The following F13A1 variants were observed in gnomAD, a reference collection of about 807,000 sequenced individuals.
F13A1 encodes the protein FSF, A subunit.
F13A1 carries 47 observed loss-of-function variants against 80.1 expected under a neutral mutation model. The ratio of observed to expected loss-of-function variants is 0.59; its 90% CI spans 0.46 to 0.75. The LOEUF (loss-of-function observed/expected upper bound fraction) is 0.75. Ranked by LOEUF, F13A1 falls within the 30% of genes least tolerant of loss-of-function variation. The pLI is 0.00. For synonymous variants in F13A1, 349 were observed against 344.9 expected, an observed-to-expected ratio of 1.01 and a Z score of -0.13; for missense variants, 817 against 930.4, an observed-to-expected ratio of 0.88 and a Z score of 1.59.
rs770264550 is a variant in F13A1, at chr6:6,145,600, A to G, written c.*19T>C. The G allele has an allele frequency of 3.7e-6, 6 of 1,614,158 alleles. No homozygotes were observed. The East Asian group carries it at 6.7e-5, about 18-fold the overall frequency. ...TACAAGAGGCCAAATGCCAGGGTTC[A>G]TCTCAGCTTCCTGTGCATTCACATG... is the stretch of plus-strand genomic sequence containing the variant. On this transcript the variant is annotated 3_prime_UTR_variant, in exon 15 of 15. Transcript: ENST00000264870.
chr6:6,176,775 T>C (rs1017525125), intron 11 of F13A1, among the ~76,000 whole-genome samples: 14 of 152,160 alleles, frequency 9.2e-5, no homozygotes, highest in African/African-American at 3.1e-4. Flanking sequence ...CAGAGATGCA[T>C]TGAGGCAAAA....
At position 6,220,032 on chromosome 6, in the gene F13A1, A is replaced by G. The variant is rs149967822; in HGVS notation, c.1112+2001T>C. On this transcript the variant is annotated intron_variant, in intron 8 of 14. Coordinates refer to ENST00000264870, the MANE Select transcript of F13A1 (RefSeq NM_000129.4). ...GGCACAGAGAGGTTGTGCCTTGCCC[A>G]AAGTCACACAGCTTGGGCAGTAGCA... Among the ~76,000 whole-genome samples the G allele has an allele frequency of 2.4e-3, 359 of 152,298 alleles. 1 individual carries two copies. Among genetic ancestry groups the G allele is most frequent in the African/African-American group, 8.1e-3 (336 of 41,552 alleles).
intron 8 of F13A1, among the ~76,000 whole-genome samples, chr6:6,217,678 TAATA>T (rs1376989957): frequency 6.6e-6 from 1 of 151,850 alleles, no homozygotes; most frequent in African/African-American, 2.4e-5. Flanking sequence ...TAAAGTATAA[TAATA>T]AAAATAAATA....
intron 13 of F13A1, among the ~76,000 whole-genome samples, chr6:6,161,213 C>T (rs1760567049): frequency 6.6e-6 from 1 of 152,126 alleles, no homozygotes; most frequent in Non-Finnish European, 1.5e-5. Context: ...ATACACTCAA[C>T]ACCTGGTGAC....
At chr6:6,150,969 A>G in intron 14 of F13A1, among the ~76,000 whole-genome samples, 1 of 152,188 alleles carries the variant, frequency 6.6e-6, no homozygotes, top group Non-Finnish European at 1.5e-5. Flanking sequence ...AACATTTGCA[A>G]ACCATCAGAT....
At chr6:6,202,703 A>G (rs1191720050) in intron 8 of F13A1, among the ~76,000 whole-genome samples, 1 of 152,256 alleles carries the variant, frequency 6.6e-6, no homozygotes, top group East Asian at 1.9e-4. Context: ...TTGTTTAATC[A>G]AGATGAGAAC....
chr6:6,180,015 C>T (rs989624089), intron 11 of F13A1, among the ~76,000 whole-genome samples: 1 of 152,184 alleles, frequency 6.6e-6, no homozygotes, highest in African/African-American at 2.4e-5. Context: ...CTAATGGCAG[C>T]TGTGCTCGGC....
At chr6:6,253,686 G>A (rs533793882) in intron 4 of F13A1, among the ~76,000 whole-genome samples, 3 of 152,270 alleles carry the variant, frequency 2.0e-5, no homozygotes, top group Admixed American at 6.5e-5. Flanking sequence ...TCTTTTTAAT[G>A]TAGCATTAGT....
chr6:6,248,466 A>G, intron 5 of F13A1, 47 bp from the exon 6 acceptor site: 1 of 1,445,264 alleles, frequency 6.9e-7, no homozygotes, highest in Non-Finnish European at 9.6e-7. Flanking sequence ...TCACTCTGCA[A>G]GCAAAATATT....
At chr6:6,300,444 A>C (rs1196097802) in intron 3 of F13A1, among the ~76,000 whole-genome samples, 1 of 151,738 alleles carries the variant, frequency 6.6e-6, no homozygotes, top group African/African-American at 2.4e-5. Flanking sequence ...TAATCTCCTG[A>C]TGCGCCGTTT....
intron 3 of F13A1, among the ~76,000 whole-genome samples, chr6:6,277,197 G>A: frequency 6.8e-5 from 1 of 14,726 alleles, no homozygotes; most frequent in Non-Finnish European, 1.3e-4. Context: ...TTAGCCGGGC[G>A]TAGTGGCGGG....
At chr6:6,146,256 T>C (rs189150499) in intron 14 of F13A1, among the ~76,000 whole-genome samples, 1 of 152,296 alleles carries the variant, frequency 6.6e-6, no homozygotes, top group East Asian at 1.9e-4. Context: ...GGGATAGACC[T>C]TGTTCCCAGG....
At chr6:6,260,036 CATA>C (rs1757757318) in intron 4 of F13A1, among the ~76,000 whole-genome samples, 2 of 152,252 alleles carry the variant, frequency 1.3e-5, no homozygotes, top group South Asian at 4.2e-4. Flanking sequence ...ATGATGAATT[CATA>C]ATAACTGCCC....
intron 3 of F13A1, among the ~76,000 whole-genome samples, chr6:6,269,672 C>T (rs1178593376): frequency 5.3e-5 from 8 of 151,496 alleles, no homozygotes; most frequent in Non-Finnish European, 4.4e-5. Flanking sequence ...CTATAGTCTG[C>T]GGGCCAAATG....
At chr6:6,294,104 T>TA (rs1330447479) in intron 3 of F13A1, among the ~76,000 whole-genome samples, 1 of 149,588 alleles carries the variant, frequency 6.7e-6, no homozygotes. Context: ...CCCCCGAACC[T>TA]AAAAAAAAAG....
Position 6,161,551 on chromosome 6 carries a change from T to TGTGTGTGTGTGTGTGA in F13A1, c.1908+5906_1908+5907insTCACACACACACACAC, listed in dbSNP as rs1010361754. On this transcript the variant is annotated intron_variant, in intron 13 of 14. Coordinates refer to ENST00000264870, the MANE Select transcript of F13A1 (RefSeq NM_000129.4). The stretch of plus-strand genomic sequence containing the variant: ...GTGTGTGTGTGTGTGTGTGTGTGTG[T>TGTGTGTGTGTGTGTGA]GAGAGAGAGAGAGAGAGAGAGAGAG... 2.4e-3 allele frequency among the ~76,000 whole-genome samples: 350 copies of TGTGTGTGTGTGTGTGA among 146,366 alleles called. 1 individual carries two copies. The highest frequency in any genetic ancestry group is 3.9e-3 in the Admixed American group (58 of 14,748).
chr6:6,284,882 A>G (rs141226898), intron 3 of F13A1, among the ~76,000 whole-genome samples: 1 of 152,200 alleles, frequency 6.6e-6, no homozygotes, highest in African/African-American at 2.4e-5. Context: ...CTTGCTCTTG[A>G]CTGCCCAGAG....
chr6:6,200,998 G>A (rs1322239233), intron 8 of F13A1, among the ~76,000 whole-genome samples: 2 of 152,094 alleles, frequency 1.3e-5, no homozygotes, highest in African/African-American at 4.8e-5. Flanking sequence ...AAGGACCCAG[G>A]GAAAAACAGC....
intron 2 of F13A1, among the ~76,000 whole-genome samples, chr6:6,313,586 T>C (rs1758637760): frequency 6.6e-6 from 1 of 152,180 alleles, no homozygotes; most frequent in East Asian, 1.9e-4. Context: ...GTTTATATAC[T>C]AGGAATTCCC....
Sources: allele counts gnomAD v4.1 joint callset (sites outside exome capture counted in the v4.1 genomes callset), GRCh38; gene constraint gnomAD v4.1.1; transcripts MANE v1.5; gene names NCBI Gene and HGNC (gene_info 2026-07-23, HGNC 2026-07-21).